The following DSCAM variants were observed in gnomAD, a reference collection of about 807,000 sequenced individuals.
DSCAM encodes the protein cell adhesion molecule DSCAM.
DSCAM carries 47 observed loss-of-function variants against 217.7 expected under a neutral mutation model. That is an observed-to-expected ratio of 0.22 (90% CI 0.17 to 0.28). The LOEUF is 0.28. Among genes scored for constraint, DSCAM ranks in the 10% least tolerant of loss-of-function variants. The pLI is 1.00. For missense variants in DSCAM, 2,080 were observed against 2,618.3 expected, an observed-to-expected ratio of 0.79 and a Z score of 4.49; for synonymous variants, 1,056 against 1,015.3, an observed-to-expected ratio of 1.04 and a Z score of -0.76.
chr21:40,761,911 A>T (rs2146586175), intron 1 of DSCAM, among the ~76,000 whole-genome samples: 1 of 152,324 alleles, frequency 6.6e-6, no homozygotes, highest in Non-Finnish European at 1.5e-5. Flanking sequence ...TTTGAAACCC[A>T]TGAGAACAAA....
At chr21:40,780,754 C>CCATTCTCTCCTGAGT (rs1287804383) in intron 1 of DSCAM, among the ~76,000 whole-genome samples, 3 of 151,940 alleles carry the variant, frequency 2.0e-5, no homozygotes, top group Non-Finnish European at 4.4e-5. Flanking sequence ...TCAGGAGAGT[C>CCATTCTCTCCTGAGT]CAGCTTCGCT....
chr21:40,309,777 C>T (rs1682405986), intron 9 of DSCAM, among the ~76,000 whole-genome samples: 1 of 152,146 alleles, frequency 6.6e-6, no homozygotes, highest in South Asian at 2.1e-4. Flanking sequence ...TTCTCATGAC[C>T]TTAACATTAA....
chr21:40,074,491 A>G (rs1359584016), intron 27 of DSCAM, among the ~76,000 whole-genome samples: 2 of 152,190 alleles, frequency 1.3e-5, no homozygotes. Context: ...GTCTGTTCAC[A>G]ATGGAGCTCA....
chr21:40,430,914 AGGTGGTAAG>A (rs567161266), intron 3 of DSCAM, among the ~76,000 whole-genome samples: 93 of 152,020 alleles, frequency 6.1e-4, no homozygotes, highest in African/African-American at 2.2e-3. Context: ...TACAACTAGA[AGGTGGTAAG>A]GGTGGAGGCA....
At chr21:40,638,071 A>T (rs1445877547) in intron 3 of DSCAM, among the ~76,000 whole-genome samples, 1 of 152,192 alleles carries the variant, frequency 6.6e-6, no homozygotes, top group African/African-American at 2.4e-5. Flanking sequence ...TTCTATGAGA[A>T]CATCATAGAA....
intron 3 of DSCAM, among the ~76,000 whole-genome samples, chr21:40,620,459 A>AAAGG (rs1202112426): frequency 9.2e-6 from 1 of 108,598 alleles, no homozygotes; most frequent in African/African-American, 4.4e-5. Context: ...AAAGGAAAAG[A>AAAGG]AAGGAAGGAA....
Position 40,367,624 on chromosome 21 carries a change from A to C in DSCAM, c.655+1475T>G, listed in dbSNP as rs540728228. Among the ~76,000 whole-genome samples the C allele has an allele frequency of 4.6e-5, 7 of 152,292 alleles. 1 individual carries two copies. Among genetic ancestry groups the C allele is most frequent in the Admixed American group, 2.0e-4 (3 of 15,294 alleles). The stretch of plus-strand genomic sequence containing the variant: ...CTTTATTAAAATTTCAATGACAAAA[A>C]ATATTGAGTTATTTTCCACATATGG... On this transcript the variant is annotated intron_variant, in intron 4 of 32. Coordinates refer to ENST00000400454, the MANE Select transcript of DSCAM (RefSeq NM_001389.5).
chr21:40,032,662 G>A (rs763308401), intron 32 of DSCAM, among the ~76,000 whole-genome samples: 2 of 149,570 alleles, frequency 1.3e-5, no homozygotes, highest in African/African-American at 4.9e-5. Flanking sequence ...TCTGTCTCTG[G>A]TATGGGTGGA....
At chr21:40,119,766 G>A (rs1039438198) in intron 20 of DSCAM, among the ~76,000 whole-genome samples, 2 of 151,950 alleles carry the variant, frequency 1.3e-5, no homozygotes, top group South Asian at 4.2e-4. Context: ...GGAGGGTACT[G>A]GGAGGGAGGA....
At chr21:40,483,942 G>A (rs1362224712) in intron 3 of DSCAM, among the ~76,000 whole-genome samples, 2 of 152,154 alleles carry the variant, frequency 1.3e-5, no homozygotes, top group Admixed American at 1.3e-4. Context: ...GGCTGAGGAA[G>A]TATTTTTAAT....
intron 15 of DSCAM, among the ~76,000 whole-genome samples, chr21:40,170,807 A>C (rs931211435): frequency 6.6e-6 from 1 of 152,186 alleles, no homozygotes; most frequent in Non-Finnish European, 1.5e-5. Flanking sequence ...ATTTGACAAG[A>C]AGCCAGTTTG....
chr21:40,229,624 A>T (rs1182945409), intron 11 of DSCAM, among the ~76,000 whole-genome samples: 1 of 152,178 alleles, frequency 6.6e-6, no homozygotes, highest in Non-Finnish European at 1.5e-5. Context: ...GCCTTCTTAG[A>T]CTGGCTTCTT....
At position 40,369,238 on chromosome 21, in the gene DSCAM, T is replaced by C. The variant is rs2074868208; in HGVS notation, c.516A>G (p.Arg172=). 1.2e-6 allele frequency: 2 copies of C among 1,607,712 alleles called. No individual in the cohort carries two copies. The highest frequency in any genetic ancestry group is 1.3e-5 in the African/African-American group (1 of 74,716). ...AGGCTCCCGTGGATGTGATGAGAAA[T>C]CTAGATCCTGAAATAGAGGAAAACA... is the stretch of plus-strand genomic sequence containing the variant. The part of the protein sequence containing the change: ...KDTVSLVSGS[R]FLITSTGALY... The change falls in exon 4 of 33, where the codon AGA becomes AGG. Residue 172 remains arginine, a synonymous_variant. Coordinates refer to ENST00000400454, the MANE Select transcript of DSCAM (RefSeq NM_001389.5).
intron 3 of DSCAM, among the ~76,000 whole-genome samples, chr21:40,575,906 TTAGA>T (rs908181076): frequency 5.3e-5 from 8 of 152,080 alleles, no homozygotes; most frequent in Admixed American, 2.6e-4. Context: ...TCATTAGTAA[TTAGA>T]TAAAGACAAA....
rs1260351144 is a variant in DSCAM at position 40,692,928 on chromosome 21, C to T, written c.390G>A (p.Val130=). The change falls in exon 3 of 33, where the codon GTG becomes GTA. Residue 130 remains valine, a synonymous_variant. Coordinates refer to ENST00000400454, the MANE Select transcript of DSCAM (RefSeq NM_001389.5). ...AVLREPYTVR[V]EDQKTMRGNV... ...TGCCTCTCATGGTTTTCTGGTCCTC[C>T]ACACGGACTGTATAGGGCTCCCGTA... 1 of 1,613,914 alleles carries T rather than the reference C, an allele frequency of 6.2e-7. No homozygotes were observed. The highest frequency in any genetic ancestry group is 8.5e-7 in the Non-Finnish European group (1 of 1,179,856).
intron 11 of DSCAM, among the ~76,000 whole-genome samples, chr21:40,263,571 AG>A (rs920495067): frequency 6.6e-6 from 1 of 152,218 alleles, no homozygotes; most frequent in African/African-American, 2.4e-5. Flanking sequence ...CATTGCTAAG[AG>A]GAAAGTTTAC....
chr21:40,319,343 CAT>C (rs767075281), intron 8 of DSCAM, among the ~76,000 whole-genome samples: 2 of 152,140 alleles, frequency 1.3e-5, no homozygotes, highest in African/African-American at 2.4e-5. Flanking sequence ...CCCAATCATC[CAT>C]GTCTTCCTTA....
intron 1 of DSCAM, among the ~76,000 whole-genome samples, chr21:40,843,906 T>C (rs2837856): frequency 0.35 from 52,320 of 151,480 alleles, 9,547 homozygotes; most frequent in African/African-American, 0.47. Context: ...TTGTCTACTG[T>C]TAAAATGCAG....
At chr21:40,661,020 T>C (rs1422720001) in intron 3 of DSCAM, among the ~76,000 whole-genome samples, 1 of 152,192 alleles carries the variant, frequency 6.6e-6, no homozygotes, top group Non-Finnish European at 1.5e-5. Flanking sequence ...TTTTGGACTC[T>C]GATTACATTT....
Sources: allele counts gnomAD v4.1 joint callset (sites outside exome capture counted in the v4.1 genomes callset), GRCh38; gene constraint gnomAD v4.1.1; transcripts MANE v1.5; gene names NCBI Gene and HGNC (gene_info 2026-07-23, HGNC 2026-07-21).